TTC17: variants seen among roughly 807,000 people sequenced by gnomAD.
The protein encoded by TTC17 is tetratricopeptide repeat protein 17.
TTC17 carries 58 observed loss-of-function variants against 143.8 expected under a neutral mutation model. The ratio of observed to expected loss-of-function variants is 0.40; its 90% CI spans 0.33 to 0.50. TTC17 has a LOEUF of 0.50. Among genes scored for constraint, TTC17 ranks in the 20% least tolerant of loss-of-function variants. The probability of loss-of-function intolerance (pLI) is 0.49; values close to 1 mark genes in which losing one functional copy is unlikely to be tolerated. For synonymous variants in TTC17, 501 were observed against 497.8 expected (o/e 1.01, Z -0.09); for missense variants, 1,273 against 1,392.5 (o/e 0.91, Z 1.37).
chr11:43,374,945 G>A (rs1228982433), intron 1 of TTC17, among the ~76,000 whole-genome samples: 1 of 152,166 alleles, frequency 6.6e-6, no homozygotes, highest in Non-Finnish European at 1.5e-5. Flanking sequence ...GTAATAAGAT[G>A]CCCTAGGCAG....
intron 21 of TTC17, among the ~76,000 whole-genome samples, chr11:43,470,479 C>G (rs150037094): frequency 2.0e-5 from 3 of 152,310 alleles, no homozygotes; most frequent in African/African-American, 7.2e-5. Context: ...CCGTGACACT[C>G]AGAAGCTCAA....
chr11:43,475,835 G>A (rs1337807580), intron 21 of TTC17, among the ~76,000 whole-genome samples: 1 of 152,168 alleles, frequency 6.6e-6, no homozygotes, highest in Non-Finnish European at 1.5e-5. Context: ...GATATTGATA[G>A]TGTTCTTCTG....
intron 16 of TTC17, among the ~76,000 whole-genome samples, chr11:43,424,895 T>A (rs926698386): frequency 2.0e-5 from 3 of 152,216 alleles, no homozygotes; most frequent in South Asian, 2.1e-4. Context: ...GGGTCTGTTT[T>A]ATATAGTTCC....
chr11:43,379,221 G>A lies in TTC17; in HGVS notation c.160-12G>A, dbSNP rs1856872018. 1 of 1,608,640 alleles carries A rather than the reference G, an allele frequency of 6.2e-7. No individual in the cohort carries two copies. Among genetic ancestry groups the A allele is most frequent in the Admixed American group, 1.7e-5 (1 of 59,270 alleles). On this transcript the variant is annotated splice_polypyrimidine_tract_variant and intron_variant, in intron 1 of 23. Coordinates refer to ENST00000039989, the MANE Select transcript of TTC17 (RefSeq NM_018259.6). The stretch of plus-strand genomic sequence containing the variant: ...GAAATCCGAGCTTTATTTATTTATT[G>A]CTTGCTTGCAGGTGGATTCACCAAT...
At chr11:43,469,959 A>T (rs1948061847) in intron 21 of TTC17, among the ~76,000 whole-genome samples, 1 of 152,226 alleles carries the variant, frequency 6.6e-6, no homozygotes, top group Admixed American at 6.5e-5. Flanking sequence ...ATGGAGGCTC[A>T]GAAATATAGG....
At chr11:43,362,517 C>T (rs1385009555) in intron 1 of TTC17, among the ~76,000 whole-genome samples, 2 of 152,188 alleles carry the variant, frequency 1.3e-5, no homozygotes, top group Non-Finnish European at 2.9e-5. Context: ...GAGCAAGGAG[C>T]ATACATTCCT....
intron 21 of TTC17, among the ~76,000 whole-genome samples, chr11:43,459,392 C>G (rs1947822603): frequency 6.6e-6 from 1 of 152,166 alleles, no homozygotes; most frequent in Non-Finnish European, 1.5e-5. Context: ...CTTTCCTTTT[C>G]CATGAGAAAT....
chr11:43,466,400 C>G (rs955910095), intron 21 of TTC17: 1 of 157,974 alleles, frequency 6.3e-6, no homozygotes, highest in Admixed American at 6.5e-5. Flanking sequence ...CCATGGTCAT[C>G]CCGACTGTGC....
In TTC17 at chr11:43,405,833, A is replaced by G. The variant is rs1379371069; in HGVS notation, c.1643A>G (p.Gln548Arg). 1.2e-6 allele frequency: 2 copies of G among 1,614,066 alleles called. No homozygotes were observed. Among genetic ancestry groups the G allele is most frequent in the East Asian group, 2.2e-5 (1 of 44,890 alleles). The change falls in exon 13 of 24, where the codon CAA (glutamine) becomes CGA (arginine). Residue 548 changes from glutamine (Q) to arginine (R), a missense_variant. Around this residue, in one of 3 missense-constraint regions of TTC17, gnomAD observed 878 missense variants for 899.8 expected, o/e 0.98. Coordinates refer to ENST00000039989, the MANE Select transcript of TTC17 (RefSeq NM_018259.6). ...SDDYSTEEEAQTPDCSITDFR... is the reference protein window; with the variant it reads ...SDDYSTEEEARTPDCSITDFR... The stretch of plus-strand genomic sequence containing the variant: ...GATTATTCTACAGAAGAAGAGGCCC[A>G]AACCCCTGACTGTTCCATAACTGAC...
chr11:43,418,483 T>C (rs1946828159), intron 16 of TTC17, among the ~76,000 whole-genome samples: 1 of 152,212 alleles, frequency 6.6e-6, no homozygotes. Context: ...TTTATAGGCT[T>C]GTCATTTTAC....
intron 10 of TTC17, among the ~76,000 whole-genome samples, 155 bp from the exon 11 acceptor site, chr11:43,403,843 A>G (rs1857985691): frequency 7.4e-6 from 1 of 135,898 alleles, no homozygotes; most frequent in African/African-American, 2.5e-5. Context: ...TCGTTGGGGC[A>G]TAGTTCTTAA....
chr11:43,475,052 G>A (rs1050610942), intron 21 of TTC17, among the ~76,000 whole-genome samples: 4 of 151,974 alleles, frequency 2.6e-5, no homozygotes, highest in African/African-American at 7.3e-5. Context: ...AGGCAAGCAC[G>A]CTTGGTCTTT....
intron 16 of TTC17, among the ~76,000 whole-genome samples, chr11:43,420,691 T>A (rs889483178): frequency 6.6e-6 from 1 of 152,218 alleles, no homozygotes; most frequent in Non-Finnish European, 1.5e-5. Context: ...TATCAGATTC[T>A]GATGACCAAT....
At chr11:43,483,722 C>T (rs1474650368) in intron 21 of TTC17, among the ~76,000 whole-genome samples, 3 of 152,166 alleles carry the variant, frequency 2.0e-5, no homozygotes, top group Admixed American at 1.3e-4. Flanking sequence ...AAAACATCTA[C>T]TTCAAAGATG....
chr11:43,492,333 A>G (rs1340686659), intron 23 of TTC17, among the ~76,000 whole-genome samples, 170 bp downstream of exon 23: 1 of 152,216 alleles, frequency 6.6e-6, no homozygotes, highest in Non-Finnish European at 1.5e-5. Context: ...GAGGTTTTTT[A>G]AAACATAATA....
intron 21 of TTC17, among the ~76,000 whole-genome samples, chr11:43,476,791 C>T (rs1041010115): frequency 6.6e-6 from 1 of 152,252 alleles, no homozygotes; most frequent in African/African-American, 2.4e-5. Flanking sequence ...CCGTGAAGTT[C>T]TCTGATGTGG....
At chr11:43,419,966 A>G (rs1042112299) in intron 16 of TTC17, among the ~76,000 whole-genome samples, 2 of 152,374 alleles carry the variant, frequency 1.3e-5, no homozygotes, top group Non-Finnish European at 2.9e-5. Flanking sequence ...AGATGCAGGT[A>G]TATCCTGCAA....
chr11:43,459,490 C>G (rs1371164046), intron 21 of TTC17, among the ~76,000 whole-genome samples: 1 of 152,196 alleles, frequency 6.6e-6, no homozygotes, highest in Non-Finnish European at 1.5e-5. Context: ...CTTTAAAAAG[C>G]TTTGTGGACT....
chr11:43,412,471 A>G (rs192583528), intron 15 of TTC17, among the ~76,000 whole-genome samples: 4 of 150,914 alleles, frequency 2.7e-5, no homozygotes, highest in African/African-American at 9.9e-5. Flanking sequence ...AAAGGAAATA[A>G]AGAAAACATC....
Sources: gnomAD v4.1 joint callset for allele counts (sites outside exome capture counted in the v4.1 genomes callset) on GRCh38, gnomAD v4.1.1 for gene constraint, gnomAD v4.1.1 regional missense constraint, MANE v1.5 for transcripts, NCBI Gene and HGNC (gene_info 2026-07-23, HGNC 2026-07-21) for gene names.